Variants in FAM13A observed in about 807,000 individuals in gnomAD.
FAM13A encodes the protein protein FAM13A.
Under a neutral mutation model 129.6 loss-of-function variants are expected in FAM13A, and 76 were observed. The observed-to-expected ratio is 0.59, with a 90% CI of 0.49 to 0.71. The LOEUF (loss-of-function observed/expected upper bound fraction) is 0.71. Among genes scored for constraint, FAM13A ranks in the 30% least tolerant of loss-of-function variants. FAM13A has a pLI of 0.00. For synonymous variants in FAM13A, 443 were observed against 449.9 expected (o/e 0.98, Z 0.20); for missense variants, 1,108 against 1,249.3 (o/e 0.89, Z 1.70).
chr4:88,969,923 T>C (rs1759848936), intron 4 of FAM13A, among the ~76,000 whole-genome samples: 2 of 152,192 alleles, frequency 1.3e-5, no homozygotes, highest in Admixed American at 1.3e-4. Context: ...CTGCTCTCTG[T>C]AGGGCTGACT....
intron 4 of FAM13A, among the ~76,000 whole-genome samples, chr4:88,959,090 A>G (rs1758223734): frequency 6.6e-6 from 1 of 152,242 alleles, no homozygotes; most frequent in Admixed American, 6.5e-5. Context: ...TTGAAATTAA[A>G]TAACTTGTTT....
At position 88,876,670 on chromosome 4, in the gene FAM13A, C is replaced by A. The variant is rs188127621; in HGVS notation, c.844-25487G>T. On this transcript the variant is annotated intron_variant, in intron 6 of 23. Transcript: ENST00000264344. ...GCAGTGGCTCAATCTCGGCTCACTGCAAGCTCTGCCTCCCGAGTTCATGCC... is the reference window on the plus strand; with the variant it reads ...GCAGTGGCTCAATCTCGGCTCACTGAAAGCTCTGCCTCCCGAGTTCATGCC... Among the ~76,000 whole-genome samples, 249 of 152,216 alleles carry A rather than the reference C, an allele frequency of 1.6e-3. 2 individuals carry two copies. Among genetic ancestry groups the A allele is most frequent in the South Asian group, 0.011 (51 of 4,824 alleles).
intron 7 of FAM13A, among the ~76,000 whole-genome samples, chr4:88,813,058 C>T (rs888367108): frequency 6.6e-6 from 1 of 152,048 alleles, no homozygotes. Context: ...TCCAACTGCA[C>T]AATAAGAGGT....
At chr4:88,808,970 A>G (rs1419911075) in intron 7 of FAM13A, among the ~76,000 whole-genome samples, 1 of 152,140 alleles carries the variant, frequency 6.6e-6, no homozygotes, top group Non-Finnish European at 1.5e-5. Flanking sequence ...TAACTTAGAT[A>G]TTTTTATCTA....
chr4:88,892,197 T>TTTTTA (rs1561266692), intron 6 of FAM13A, among the ~76,000 whole-genome samples: 1 of 72,730 alleles, frequency 1.4e-5, no homozygotes, highest in African/African-American at 5.2e-5. Context: ...TTTTTTTTTT[T>TTTTTA]GAGACGGAGT....
intron 5 of FAM13A, among the ~76,000 whole-genome samples, chr4:88,919,014 T>A (rs7685654): frequency 1.0e-3 from 154 of 152,366 alleles, no homozygotes; most frequent in African/African-American, 3.6e-3. Context: ...ACATTTTGAT[T>A]GTCTTAAGCC....
intron 6 of FAM13A, among the ~76,000 whole-genome samples, chr4:88,889,892 G>T (rs1401724771): frequency 6.6e-6 from 1 of 152,066 alleles, no homozygotes; most frequent in African/African-American, 2.4e-5. Context: ...ACTATAATGG[G>T]GATGTTTGTT....
intron 5 of FAM13A, among the ~76,000 whole-genome samples, chr4:88,928,975 A>G (rs1011158894): frequency 6.6e-6 from 1 of 152,082 alleles, no homozygotes; most frequent in African/African-American, 2.4e-5. Context: ...TTGCTTTATA[A>G]GAACTCTGAG....
chr4:88,833,856 A>C (rs1734332210), intron 7 of FAM13A, among the ~76,000 whole-genome samples: 1 of 152,082 alleles, frequency 6.6e-6, no homozygotes, highest in African/African-American at 2.4e-5. Context: ...ACTGCACTCC[A>C]GCCTGGGTGA....
chr4:88,946,208 C>T (rs1014921494), intron 4 of FAM13A, among the ~76,000 whole-genome samples: 36 of 151,110 alleles, frequency 2.4e-4, no homozygotes, highest in Middle Eastern at 6.8e-3. Flanking sequence ...AATAGCCAAT[C>T]AGGTAAAGTG....
Position 89,020,662 on chromosome 4 carries a change from G to A in FAM13A, c.225C>T (p.Thr75=). 1.2e-6 allele frequency: 2 copies of A among 1,613,526 alleles called. No individual in the cohort carries two copies. Among genetic ancestry groups the A allele is most frequent in the Non-Finnish European group, 1.7e-6 (2 of 1,179,572 alleles). Residue 75 remains threonine, a synonymous_variant, in exon 3 of 24, where the codon ACC becomes ACT. Transcript: ENST00000264344. ...CATTCACCCTAAAAAGACCTTCTTG[G>A]GTAAGTCCTGGAAGAGCAAAGTAGG... ...IVEYLTQHGL[T]QEGLFRVNGN...
At chr4:88,841,257 A>G (rs1253565961) in intron 7 of FAM13A, among the ~76,000 whole-genome samples, 1 of 152,178 alleles carries the variant, frequency 6.6e-6, no homozygotes, top group Non-Finnish European at 1.5e-5. Context: ...GCACTTTGGG[A>G]GGCCTAGCTG....
chr4:88,856,995 G>A (rs1475926111), intron 6 of FAM13A, among the ~76,000 whole-genome samples: 2 of 152,152 alleles, frequency 1.3e-5, no homozygotes, highest in Non-Finnish European at 2.9e-5. Context: ...CCAAAAAAGA[G>A]ATTTGTTTAC....
intron 6 of FAM13A, among the ~76,000 whole-genome samples, chr4:88,883,794 C>T (rs1406700784): frequency 6.6e-6 from 1 of 151,264 alleles, no homozygotes; most frequent in Non-Finnish European, 1.5e-5. Context: ...AGAGAAGATC[C>T]AAATAAGTTC....
intron 19 of FAM13A, among the ~76,000 whole-genome samples, chr4:88,743,672 C>T (rs1227840379): frequency 2.0e-5 from 3 of 152,108 alleles, no homozygotes; most frequent in African/African-American, 7.2e-5. Context: ...CAATATAGCG[C>T]AGTCAATATA....
chr4:88,915,202 C>T (rs1339945803), intron 5 of FAM13A, among the ~76,000 whole-genome samples: 2 of 152,146 alleles, frequency 1.3e-5, no homozygotes, highest in African/African-American at 4.8e-5. Flanking sequence ...CTTTACAACC[C>T]CATAGAAGTC....
chr4:88,811,224 T>A (rs528021782), intron 7 of FAM13A, among the ~76,000 whole-genome samples: 4 of 152,208 alleles, frequency 2.6e-5, no homozygotes, highest in African/African-American at 9.6e-5. Flanking sequence ...GATGACGTAG[T>A]TGTGGAAGGC....
intron 3 of FAM13A, among the ~76,000 whole-genome samples, chr4:89,000,962 A>T (rs765052918): frequency 2.0e-5 from 3 of 152,290 alleles, no homozygotes; most frequent in Non-Finnish European, 4.4e-5. Context: ...ACATGTGCAC[A>T]CAATCATGTT....
intron 4 of FAM13A, among the ~76,000 whole-genome samples, chr4:88,982,539 C>G (rs1411846127): frequency 6.6e-6 from 1 of 152,186 alleles, no homozygotes. Flanking sequence ...AATCTACCTG[C>G]ATTAGTAGAA....
Sources: allele counts gnomAD v4.1 joint callset (sites outside exome capture counted in the v4.1 genomes callset), GRCh38; gene constraint gnomAD v4.1.1; transcripts MANE v1.5; gene names NCBI Gene and HGNC (gene_info 2026-07-23, HGNC 2026-07-21).